The following PCNX1 variants were observed in gnomAD, a reference collection of about 807,000 sequenced individuals.
The protein encoded by PCNX1 is pecanex-like protein 1.
Under a neutral mutation model 242.2 loss-of-function variants are expected in PCNX1, and 78 were observed. The observed-to-expected ratio is 0.32, with a 90% CI of 0.27 to 0.39. The LOEUF is 0.39. Among genes scored for constraint, PCNX1 ranks in the 10% least tolerant of loss-of-function variants. The pLI, the probability that PCNX1 is intolerant of heterozygous loss-of-function variation, is 1.00. For synonymous variants in PCNX1, 1,024 were observed against 1,032.9 expected, an observed-to-expected ratio of 0.99 and a Z score of 0.17; for missense variants, 2,581 against 2,856.5, an observed-to-expected ratio of 0.90 and a Z score of 2.20.
chr14:71,050,631 G>A, intron 22 of PCNX1, 21 bp from the exon 23 acceptor site: 2 of 1,526,194 alleles, frequency 1.3e-6, no homozygotes, highest in Non-Finnish European at 8.8e-7. Context: ...TTTACTGACA[G>A]CCATTCTTTT....
intron 2 of PCNX1, among the ~76,000 whole-genome samples, chr14:70,950,593 G>C (rs2057737273): frequency 2.0e-5 from 3 of 152,002 alleles, no homozygotes. Context: ...ACTATGACCA[G>C]AAATTCAGCT....
intron 1 of PCNX1, among the ~76,000 whole-genome samples, chr14:70,921,666 T>A (rs967091421): frequency 2.0e-5 from 3 of 152,182 alleles, no homozygotes; most frequent in Non-Finnish European, 4.4e-5. Flanking sequence ...TGAAGTGATC[T>A]TTTTTCAATT....
intron 28 of PCNX1, among the ~76,000 whole-genome samples, chr14:71,080,593 T>C (rs1433634077): frequency 6.6e-6 from 1 of 152,198 alleles, no homozygotes; most frequent in East Asian, 1.9e-4. Flanking sequence ...GTTCACATCC[T>C]TGTAAGCTGT....
intron 1 of PCNX1, among the ~76,000 whole-genome samples, chr14:70,930,538 A>ATT (rs2140154480): frequency 6.6e-6 from 1 of 152,322 alleles, no homozygotes; most frequent in African/African-American, 2.4e-5. Flanking sequence ...TGACAAACAG[A>ATT]TTTTTAAAAG....
intron 28 of PCNX1, 152 bp downstream of exon 28, chr14:71,076,571 C>G: frequency 1.6e-6 from 1 of 617,658 alleles, no homozygotes; most frequent in Non-Finnish European, 2.8e-6. Context: ...TATGGTTGGG[C>G]CAAACCAGCT....
At chr14:71,023,267 T>G (rs905516170) in intron 13 of PCNX1, 35 bp downstream of exon 13, 2 of 1,459,208 alleles carry the variant, frequency 1.4e-6, no homozygotes, top group Non-Finnish European at 1.9e-6. Context: ...ACATTATAGG[T>G]CCTTAACATT....
At chr14:70,972,505 G>T (rs894157413) in intron 5 of PCNX1, among the ~76,000 whole-genome samples, 9 of 152,170 alleles carry the variant, frequency 5.9e-5, no homozygotes, top group African/African-American at 1.7e-4. Context: ...GCTGCTTGGG[G>T]TTTATGTGGC....
At chr14:70,974,057 A>G (rs1389566650) in intron 5 of PCNX1, among the ~76,000 whole-genome samples, 3 of 148,906 alleles carry the variant, frequency 2.0e-5, no homozygotes, top group Non-Finnish European at 4.5e-5. Flanking sequence ...AAACACAATT[A>G]TATGTGGTTT....
intron 30 of PCNX1, among the ~76,000 whole-genome samples, chr14:71,095,579 T>C (rs1176746077): frequency 6.6e-6 from 1 of 152,358 alleles, no homozygotes; most frequent in East Asian, 1.9e-4. Flanking sequence ...TAATTTGATA[T>C]ATCTTTTGTG....
In PCNX1 at chr14:70,977,611, C is replaced by T. The variant is rs761638667; in HGVS notation, c.1274C>T (p.Thr425Ile). 6.2e-7 allele frequency: 1 copy of T among 1,614,034 alleles called. No individual in the cohort carries two copies. The highest frequency in any genetic ancestry group is 1.1e-5 in the South Asian group (1 of 91,082). The change falls in exon 6 of 36, where the codon ACA becomes ATA. Residue 425 changes from threonine (T) to isoleucine (I), a missense_variant. Physicochemically the swap from Thr to Ile is moderately conservative, Grantham distance 89. Transcript: ENST00000304743. ...SEHEESPKAGTKSGRKKECCA... is the reference protein window; with the variant it reads ...SEHEESPKAGIKSGRKKECCA... ...CATGAGGAGTCTCCTAAAGCAGGAACAAAAAGTGGGAGGAAGAAAGAGTGC... is the reference window on the plus strand; with the variant it reads ...CATGAGGAGTCTCCTAAAGCAGGAATAAAAAGTGGGAGGAAGAAAGAGTGC...
chr14:70,931,048 A>T (rs1207611296), intron 1 of PCNX1, among the ~76,000 whole-genome samples: 1 of 152,084 alleles, frequency 6.6e-6, no homozygotes, highest in Admixed American at 6.6e-5. Flanking sequence ...CTCTTAATTA[A>T]CATTTTCTAA....
chr14:71,109,460 T>A lies in PCNX1; in HGVS notation c.6753T>A (p.Asp2251Glu). Residue 2251 changes from aspartate (D) to glutamate (E), a missense_variant, in exon 35 of 36, where the codon GAT becomes GAA. Coordinates refer to ENST00000304743, the MANE Select transcript of PCNX1 (RefSeq NM_014982.3). ...TTTTATTTACCATGTAGATTGTGGATCCCAGTCAAATTCTGGAAGGGATCA... is the reference window on the plus strand; with the variant it reads ...TTTTATTTACCATGTAGATTGTGGAACCCAGTCAAATTCTGGAAGGGATCA... ...AEVIYRVQIV[D>E]PSQILEGINL... 1 of 1,611,776 alleles carries A rather than the reference T, an allele frequency of 6.2e-7. No individual in the cohort carries two copies. Among genetic ancestry groups the A allele is most frequent in the Non-Finnish European group, 8.5e-7 (1 of 1,178,814 alleles).
Position 71,073,811 on chromosome 14 carries a change from G to T in PCNX1, c.5106+13G>T. The T allele has an allele frequency of 6.4e-7, 1 of 1,568,190 alleles. No individual in the cohort carries two copies. The highest frequency in any genetic ancestry group is 8.7e-7 in the Non-Finnish European group (1 of 1,152,652). On this transcript the variant is annotated intron_variant, in intron 27 of 35. Coordinates refer to ENST00000304743, the MANE Select transcript of PCNX1 (RefSeq NM_014982.3). ...TTACTATGTCAAGGTAGGAGTATGTGCCTACTTAGATCTTTAGATAATCAG... is the reference window on the plus strand; with the variant it reads ...TTACTATGTCAAGGTAGGAGTATGTTCCTACTTAGATCTTTAGATAATCAG...
At chr14:71,055,333 CA>C (rs1231305022) in intron 24 of PCNX1, among the ~76,000 whole-genome samples, 170 bp from the exon 25 acceptor site, 1 of 151,400 alleles carries the variant, frequency 6.6e-6, no homozygotes, top group African/African-American at 2.4e-5. Flanking sequence ...TTTTAATTTC[CA>C]AAAGTGTGCT....
intron 33 of PCNX1, among the ~76,000 whole-genome samples, chr14:71,106,240 G>A (rs993904906): frequency 4.0e-5 from 6 of 150,694 alleles, no homozygotes; most frequent in Non-Finnish European, 8.9e-5. Context: ...GAATGGTCTC[G>A]ATCTCCTGAC....
Position 70,958,395 on chromosome 14 carries a change from A to T in PCNX1, c.363-3831A>T, listed in dbSNP as rs2058071756. Among the ~76,000 whole-genome samples the T allele has an allele frequency of 2.0e-5, 3 of 152,214 alleles. No individual in the cohort carries two copies. In the South Asian group the frequency reaches 6.2e-4, roughly 32 times the overall value. On this transcript the variant is annotated intron_variant, in intron 2 of 35. Coordinates refer to ENST00000304743, the MANE Select transcript of PCNX1 (RefSeq NM_014982.3). ...ATGTTAAATACTTAAATGGAAAATT[A>T]TATATTGCCTATATCTTTTGATTGC...
chr14:70,967,044 C>G (rs1311305297), intron 3 of PCNX1, among the ~76,000 whole-genome samples: 4 of 152,096 alleles, frequency 2.6e-5, no homozygotes, highest in African/African-American at 9.7e-5. Flanking sequence ...TTGGCTACCT[C>G]AAGAGTTTAT....
Position 71,106,625 on chromosome 14 carries a change from G to A in PCNX1, c.6301+1185G>A, listed in dbSNP as rs189010177. ...CCAGCTTTGAAGATTGTCAGTTCCT[G>A]CCTCTGCTCCTTGCTTGCTCCAGTG... is the stretch of plus-strand genomic sequence containing the variant. On this transcript the variant is annotated intron_variant, in intron 33 of 35. Transcript: ENST00000304743. Among the ~76,000 whole-genome samples the A allele has an allele frequency of 8.3e-3, 1,259 of 151,350 alleles. 12 individuals are homozygous for A. Among genetic ancestry groups the A allele is most frequent in the South Asian group, 0.019 (92 of 4,780 alleles).
chr14:70,990,418 GC>G (rs1245713397), intron 7 of PCNX1, among the ~76,000 whole-genome samples: 1 of 151,196 alleles, frequency 6.6e-6, no homozygotes, highest in East Asian at 1.9e-4. Context: ...AAAAAAATTA[GC>G]TGGGCCTGGT....
Sources: gnomAD v4.1 joint callset for allele counts (sites outside exome capture counted in the v4.1 genomes callset) on GRCh38, gnomAD v4.1.1 for gene constraint, MANE v1.5 for transcripts, NCBI Gene and HGNC (gene_info 2026-07-23, HGNC 2026-07-21) for gene names.